The following RPL3 variants were observed in gnomAD, a reference collection of about 807,000 sequenced individuals.
The protein encoded by RPL3 is ribosomal protein L3.
A neutral mutation model predicts 46.0 loss-of-function variants in RPL3; 3 were observed. The ratio of observed to expected loss-of-function variants is 0.07; its 90% CI spans 0.03 to 0.17. The LOEUF (loss-of-function observed/expected upper bound fraction) is 0.17. RPL3 is among the 10% of genes least tolerant of loss of function. The probability of loss-of-function intolerance (pLI) is 1.00; values close to 1 mark genes in which losing one functional copy is unlikely to be tolerated. For synonymous variants in RPL3, 224 were observed against 190.8 expected (o/e 1.17, Z -1.43); for missense variants, 387 against 532.7 (o/e 0.73, Z 2.69).
Position 39,318,434 on chromosome 22 carries a change from A to G in RPL3, c.162T>C (p.Thr54=). 3 of 1,613,784 alleles carry G rather than the reference A, an allele frequency of 1.9e-6. No individual in the cohort carries two copies. The highest frequency in any genetic ancestry group is 1.7e-5 in the Admixed American group (1 of 59,964). The stretch of plus-strand genomic sequence containing the variant: ...GCCTGTCGACTTCCCGCACGATGTG[A>G]GTCATGCCAGCCTTGTATCCCAGGA... ...TAFLGYKAGM[T]HIVREVDRPG... is the part of the protein sequence containing the mutation. The change falls in exon 2 of 10, where the codon ACT becomes ACC. Residue 54 remains threonine (T), a synonymous_variant. Transcript: ENST00000216146.
chr22:39,314,665 G>A (rs759000811), intron 6 of RPL3, 21 bp downstream of exon 6: 3 of 1,602,020 alleles, frequency 1.9e-6, no homozygotes, highest in Non-Finnish European at 2.6e-6. Flanking sequence ...CACCCCCAGG[G>A]AGCCACTCTC....
chr22:39,319,605 T>G lies in RPL3; in HGVS notation c.-8A>C. 6.5e-7 allele frequency: 1 copy of G among 1,546,824 alleles called. No individual in the cohort carries two copies. Among genetic ancestry groups the G allele is most frequent in the Non-Finnish European group, 8.8e-7 (1 of 1,141,060 alleles). On this transcript the variant is annotated 5_prime_UTR_variant, in exon 1 of 10. The change abolishes an upstream ATG in the 5' untranslated region. Coordinates refer to ENST00000216146, the MANE Select transcript of RPL3 (RefSeq NM_000967.4). ...CATTACAACACATACCATCACGCCA[T>G]CAAATCCCGCCGGTAGAGGCCGGTC...
At chr22:39,319,134 C>A (rs750956053) in intron 1 of RPL3, 2 of 542,356 alleles carry the variant, frequency 3.7e-6, no homozygotes, top group Non-Finnish European at 3.8e-6. Flanking sequence ...GCTCCAGAGG[C>A]CTTCGGAGTG....
chr22:39,318,760 A>C (rs1273180325), intron 1 of RPL3, 168 bp from the exon 2 acceptor site: 1 of 631,140 alleles, frequency 1.6e-6, no homozygotes, highest in Admixed American at 3.0e-5. Flanking sequence ...ACGTGTCAAG[A>C]ATGCTTTTGT....
At chr22:39,319,500 C>A in intron 1 of RPL3, 95 bp downstream of exon 1, 1 of 1,527,064 alleles carries the variant, frequency 6.5e-7, no homozygotes, top group Non-Finnish European at 8.9e-7. Flanking sequence ...AAAGCAAACC[C>A]CCGGCGCCGG....
At chr22:39,317,773 C>T (rs1922797169) in intron 2 of RPL3, 144 bp from the exon 3 acceptor site, 1 of 801,154 alleles carries the variant, frequency 1.2e-6, no homozygotes, top group South Asian at 1.8e-5. Context: ...GCTGTCCTTA[C>T]TGCCTATCTC....
rs1922476130 is a variant in RPL3 at position 39,313,378 on chromosome 22, C to T, written c.1048-68G>A. Reference sequence around the variant, plus strand: ...AGGCTTTCCTCAGCACTGTTCACAGCGCCCCTGCATCTGGGAAGCCACACG... The same window carrying T: ...AGGCTTTCCTCAGCACTGTTCACAGTGCCCCTGCATCTGGGAAGCCACACG... On this transcript the variant is annotated intron_variant, in intron 8 of 9. Coordinates refer to ENST00000216146, the MANE Select transcript of RPL3 (RefSeq NM_000967.4). 5.0e-6 allele frequency: 8 copies of T among 1,591,980 alleles called. No homozygotes were observed. In the East Asian group the frequency reaches 6.7e-5, roughly 13 times the overall value.
At position 39,319,226 on chromosome 22, in the gene RPL3, C is replaced by T. The variant is rs1922898068; in HGVS notation, c.3+369G>A. ...CTTTACCTCCCAATGAGAACGGCGC[C>T]GAGAACCTCCACCCAAGGTCCTTCT... On this transcript the variant is annotated intron_variant, in intron 1 of 9. Transcript: ENST00000216146. The T allele has an allele frequency of 1.2e-5, 6 of 516,362 alleles. No homozygotes were observed. The Admixed American group carries it at 1.2e-4, about 10-fold the overall frequency. 32.0% of individuals were successfully genotyped at this position (516,362 alleles called of 1,614,324 possible).
chr22:39,314,484 G>A, intron 6 of RPL3: 1 of 655,910 alleles, frequency 1.5e-6, no homozygotes. Context: ...AGCCACACCA[G>A]TCAGCCCCAC....
intron 4 of RPL3, among the ~76,000 whole-genome samples, chr22:39,315,831 T>C (rs1922653351): frequency 6.6e-6 from 1 of 152,230 alleles, no homozygotes; most frequent in Non-Finnish European, 1.5e-5. Context: ...CAGCCCAATG[T>C]TCCTGTGGCT....
At position 39,315,009 on chromosome 22, in the gene RPL3, G is replaced by A. The variant is rs1922589556; in HGVS notation, c.689-163C>T. 3.9e-6 allele frequency: 4 copies of A among 1,014,516 alleles called. No individual in the cohort carries two copies. The Admixed American group carries it at 7.5e-5, about 19-fold the overall frequency. The allele number at this position is 1,014,516 out of a possible 1,614,324, so 62.8% of individuals were successfully genotyped here. ...TCCCCTGTCAAGCTGGATAGGCTCT[G>A]GGGGTGTCACCCTGAACTCAATTCT... On this transcript the variant is annotated intron_variant, in intron 5 of 9. Transcript: ENST00000216146.
intron 6 of RPL3, 89 bp downstream of exon 6, chr22:39,314,597 C>A: frequency 2.1e-6 from 3 of 1,424,844 alleles, no homozygotes; most frequent in South Asian, 2.6e-5. Context: ...AAGCTACAGT[C>A]AGTGAAGCAG....
At chr22:39,319,035 A>G in intron 1 of RPL3, 1 of 537,746 alleles carries the variant, frequency 1.9e-6, no homozygotes, top group Non-Finnish European at 3.8e-6. Flanking sequence ...CACAGGCCAA[A>G]GAACTCCGCA....
rs749575721 is a variant in RPL3 at position 39,317,470 on chromosome 22, T to C, written c.356A>G (p.Tyr119Cys). 6.8e-6 allele frequency: 11 copies of C among 1,613,602 alleles called. No individual in the cohort carries two copies. The South Asian group carries it at 7.7e-5, about 11-fold the overall frequency. Residue 119 changes from tyrosine (Y) to cysteine (C), a missense_variant, in exon 3 of 10, where the codon TAT (tyrosine) becomes TGT (cysteine). Around this residue, in one of 5 missense-constraint regions of RPL3, gnomAD observed 196 missense variants for 217.5 expected, o/e 0.90. Coordinates refer to ENST00000216146, the MANE Select transcript of RPL3 (RefSeq NM_000967.4). ...HISDECKRRF[Y>C]KNWHKSKKKA... ...TGGCCTCCTCCCTTACCAATTCTTA[T>C]AGAAACGCCTCTTGCATTCATCACT...
rs767804833 is a variant in RPL3 at position 39,313,691 on chromosome 22, A to G, written c.990T>C (p.Phe330=). The G allele has an allele frequency of 1.2e-6, 2 of 1,614,088 alleles. No homozygotes were observed. Among genetic ancestry groups the G allele is most frequent in the African/African-American group, 1.3e-5 (1 of 75,052 alleles). The part of the protein sequence containing the change: ...FVHYGEVTND[F]VMLKGCVVGT... ...CCACCACACAGCCTTTCAGCATGAC[A>G]AAGTCATTGGTCACTTCACCATAGT... Residue 330 remains phenylalanine (F), a synonymous_variant, in exon 8 of 10, where the codon TTT becomes TTC. Coordinates refer to ENST00000216146, the MANE Select transcript of RPL3 (RefSeq NM_000967.4).
In RPL3 at chr22:39,314,205, A is replaced by G; in HGVS notation, c.853T>C (p.Tyr285His). Reference protein sequence around the residue: ...HHRTEINKKIYKIGQGYLIKD... With the variant: ...HHRTEINKKIHKIGQGYLIKD... ...ATAAGGTAGCCCTGGCCAATCTTAT[A>G]AATCTGAATGAACAAGAAGGGTGTA... Residue 285 changes from tyrosine (Y) to histidine (H), a missense_variant, in exon 7 of 10, where the codon TAT becomes CAT. Coordinates refer to ENST00000216146, the MANE Select transcript of RPL3 (RefSeq NM_000967.4). 6.2e-7 allele frequency: 1 copy of G among 1,613,582 alleles called. No homozygotes were observed.
rs1269078153 is a variant in RPL3, at chr22:39,314,812, G to A, written c.723C>T (p.Pro241=). 2 of 1,613,678 alleles carry A rather than the reference G, an allele frequency of 1.2e-6. No individual in the cohort carries two copies. The highest frequency in any genetic ancestry group is 1.7e-5 in the Admixed American group (1 of 60,006). ...VTSRWHTKKL[P]RKTHRGLRKV... is the part of the protein sequence containing the mutation. The stretch of plus-strand genomic sequence containing the variant: ...TGCGCAGGCCTCGGTGGGTCTTGCG[G>A]GGCAGCTTCTTGGTGTGCCAACGAC... The change falls in exon 6 of 10, where the codon CCC becomes CCT. Residue 241 remains proline (P), a synonymous_variant. Coordinates refer to ENST00000216146, the MANE Select transcript of RPL3 (RefSeq NM_000967.4).
At chr22:39,314,282 C>A (rs573965120) in intron 6 of RPL3, 74 bp from the exon 7 acceptor site, 2 of 1,233,358 alleles carry the variant, frequency 1.6e-6, no homozygotes, top group Non-Finnish European at 1.2e-6. Context: ...TGCTGACCTG[C>A]AAAGCACGCT....
At chr22:39,314,063 C>G (rs201921859) in intron 7 of RPL3, 44 bp downstream of exon 7, 2 of 1,541,124 alleles carry the variant, frequency 1.3e-6, no homozygotes, top group Non-Finnish European at 1.8e-6. Context: ...CCCAAAAGCA[C>G]GAGGCCTGGG....
Sources: gnomAD v4.1 joint callset for allele counts (sites outside exome capture counted in the v4.1 genomes callset) on GRCh38, gnomAD v4.1.1 for gene constraint, gnomAD v4.1.1 regional missense constraint, MANE v1.5 for transcripts, NCBI Gene and HGNC (gene_info 2026-07-23, HGNC 2026-07-21) for gene names.